BARD1: variants seen among roughly 807,000 people sequenced by gnomAD.
BARD1 encodes BRCA1 associated RING domain 1, also known as BRCA1-associated RING domain protein 1.
BARD1 carries 73 observed loss-of-function variants against 77.0 expected under a neutral mutation model. The ratio of observed to expected loss-of-function variants is 0.95; its 90% CI spans 0.79 to 1.15. BARD1 has a LOEUF of 1.15. Among genes scored for constraint, BARD1 ranks in the 50% most tolerant of loss-of-function variants. The probability of loss-of-function intolerance (pLI) is 0.00; values close to 1 mark genes in which losing one functional copy is unlikely to be tolerated. For synonymous variants in BARD1, 384 were observed against 338.0 expected, an observed-to-expected ratio of 1.14 and a Z score of -1.49; for missense variants, 993 against 938.8, an observed-to-expected ratio of 1.06 and a Z score of -0.75.
intron 3 of BARD1, among the ~76,000 whole-genome samples, chr2:214,782,670 C>T (rs1017175417): frequency 2.0e-5 from 3 of 151,956 alleles, no homozygotes; most frequent in African/African-American, 7.2e-5. Flanking sequence ...CACTCACCTG[C>T]TACTTTAATT....
At chr2:214,770,678 C>A (rs1377371783) in intron 4 of BARD1, among the ~76,000 whole-genome samples, 1 of 152,114 alleles carries the variant, frequency 6.6e-6, no homozygotes, top group Admixed American at 6.5e-5. Context: ...CAACTAAATC[C>A]TACTATAAAT....
chr2:214,742,637 G>A (rs975230110), intron 9 of BARD1, among the ~76,000 whole-genome samples: 1 of 152,100 alleles, frequency 6.6e-6, no homozygotes, highest in Admixed American at 6.5e-5. Context: ...GTTAGTCCGA[G>A]TCCATCAGTG....
chr2:214,765,708 A>C (rs1345330528), intron 6 of BARD1, among the ~76,000 whole-genome samples: 1 of 152,156 alleles, frequency 6.6e-6, no homozygotes, highest in Non-Finnish European at 1.5e-5. Context: ...TTACAAAGAA[A>C]TAGGTCCATG....
chr2:214,767,777 A>C (rs996321552), intron 5 of BARD1, 123 bp from the exon 6 acceptor site: 12 of 871,892 alleles, frequency 1.4e-5, no homozygotes, highest in Non-Finnish European at 2.0e-5. Context: ...TGTTACCTAA[A>C]TACTCAAAAA....
chr2:214,787,554 G>T (rs1695327883), intron 3 of BARD1, among the ~76,000 whole-genome samples: 1 of 151,790 alleles, frequency 6.6e-6, no homozygotes, highest in Admixed American at 6.6e-5. Flanking sequence ...AATTTTTATG[G>T]GTGAATGCTT....
rs778507008 is a variant in BARD1, at chr2:214,745,027, G to A, written c.1903+40C>T. The A allele has an allele frequency of 3.9e-6, 6 of 1,543,770 alleles. No individual in the cohort carries two copies. In the African/African-American group the frequency reaches 8.2e-5, roughly 21 times the overall value. On this transcript the variant is annotated intron_variant, in intron 9 of 10. Coordinates refer to ENST00000260947, the MANE Select transcript of BARD1 (RefSeq NM_000465.4). The stretch of plus-strand genomic sequence containing the variant: ...TTAATAACCATGAAAAACAAAACTA[G>A]TCTAATTCATTTCTTAATTCTCTCA...
At chr2:214,757,013 C>T (rs1285500620) in intron 6 of BARD1, among the ~76,000 whole-genome samples, 1 of 152,082 alleles carries the variant, frequency 6.6e-6, no homozygotes, top group Admixed American at 6.6e-5. Flanking sequence ...AATTAAAAGG[C>T]TGCAGCACCT....
At position 214,745,766 on chromosome 2, in the gene BARD1, G is replaced by A. The variant is rs1574739157; in HGVS notation, c.1766C>T (p.Ala589Val). 8 of 1,613,964 alleles carry A rather than the reference G, an allele frequency of 5.0e-6. No homozygotes were observed. The highest frequency in any genetic ancestry group is 1.3e-5 in the African/African-American group (1 of 75,022). ...SEQQKMLSEL[A>V]VILKAKKYTE... The stretch of plus-strand genomic sequence containing the variant: ...ATATTTTTTAGCCTTAAGAATTACT[G>A]CAAGCTCACTGAGCATTTTCTGTTG... The change falls in exon 8 of 11, where the codon GCA becomes GTA. Residue 589 changes from alanine (A) to valine (V), a missense_variant. Transcript: ENST00000260947.
At chr2:214,745,249 A>G (rs1451101964) in intron 8 of BARD1, 90 bp from the exon 9 acceptor site, 2 of 1,153,176 alleles carry the variant, frequency 1.7e-6, no homozygotes, top group African/African-American at 1.6e-5. Context: ...ATATTTTGTA[A>G]GCTTATATCT....
At chr2:214,795,231 G>A (rs1695706360) in intron 2 of BARD1, among the ~76,000 whole-genome samples, 1 of 152,060 alleles carries the variant, frequency 6.6e-6, no homozygotes, top group Admixed American at 6.6e-5. Context: ...ATATATAACT[G>A]GTAAAAAGTA....
At chr2:214,794,106 A>C (rs1335297838) in intron 2 of BARD1, among the ~76,000 whole-genome samples, 1 of 152,058 alleles carries the variant, frequency 6.6e-6, no homozygotes, top group African/African-American at 2.4e-5. Context: ...TACAAAAATT[A>C]GCCAGGCGTG....
At chr2:214,749,593 C>T (rs1029231760) in intron 7 of BARD1, among the ~76,000 whole-genome samples, 4 of 152,040 alleles carry the variant, frequency 2.6e-5, no homozygotes, top group African/African-American at 4.8e-5. Flanking sequence ...TAATCATTTT[C>T]CAGCTTTTAC....
chr2:214,807,855 T>C (rs1696347653), intron 1 of BARD1, among the ~76,000 whole-genome samples: 1 of 152,220 alleles, frequency 6.6e-6, no homozygotes, highest in Non-Finnish European at 1.5e-5. Flanking sequence ...CAAGGGAATG[T>C]CTAACTTTCG....
intron 1 of BARD1, among the ~76,000 whole-genome samples, chr2:214,804,865 A>ATTTT (rs2106160765): frequency 6.6e-6 from 1 of 152,266 alleles, no homozygotes; most frequent in Non-Finnish European, 1.5e-5. Flanking sequence ...CCATTTTAAA[A>ATTTT]ATCTATTCGC....
Position 214,769,455 on chromosome 2 carries a change from T to G in BARD1, c.1315-143A>C, listed in dbSNP as rs768728633. 144 of 725,284 alleles carry G rather than the reference T, an allele frequency of 2.0e-4. 1 individual carries two copies. The highest frequency in any genetic ancestry group is 2.8e-4 in the Non-Finnish European group (119 of 420,730). The allele number at this position is 725,284 out of a possible 1,614,324, so 44.9% of individuals were successfully genotyped here. On this transcript the variant is annotated intron_variant, in intron 4 of 10. Transcript: ENST00000260947. ...GGCTACTGTTCATGAGTTAATAAAT[T>G]ATTAGGCCGGGTGTGGTGGCTCACG...
At position 214,767,587 on chromosome 2, in the gene BARD1, T is replaced by C. The variant is rs1057518894; in HGVS notation, c.1463A>G (p.Asn488Ser). The change falls in exon 6 of 11, where the codon AAC (asparagine) becomes AGC (serine). Residue 488 changes from asparagine (N) to serine (S), a missense_variant. Physicochemically the swap from Asn to Ser is conservative, Grantham distance 46 (BLOSUM62 1). Coordinates refer to ENST00000260947, the MANE Select transcript of BARD1 (RefSeq NM_000465.4). ...ELLLQHKALV[N>S]TTGYQNDSPL... ...TGAGTCATTTTGATACCCGGTGGTG[T>C]TCACCAATGCCTTATGCTGGAGCAA... 2 of 1,614,084 alleles carry C rather than the reference T, an allele frequency of 1.2e-6. No homozygotes were observed. Among genetic ancestry groups the C allele is most frequent in the Non-Finnish European group, 1.7e-6 (2 of 1,179,958 alleles).
intron 6 of BARD1, among the ~76,000 whole-genome samples, chr2:214,763,812 T>C (rs1694070410): frequency 6.6e-6 from 1 of 151,948 alleles, no homozygotes; most frequent in Non-Finnish European, 1.5e-5. Flanking sequence ...AATAGAAGAG[T>C]AGTAAGAATC....
chr2:214,785,513 T>C (rs1695231650), intron 3 of BARD1, among the ~76,000 whole-genome samples: 1 of 152,040 alleles, frequency 6.6e-6, no homozygotes, highest in Non-Finnish European at 1.5e-5. Context: ...ATCTCTTAAA[T>C]CTTTCCAAAT....
intron 5 of BARD1, among the ~76,000 whole-genome samples, chr2:214,768,036 C>T (rs1054891760): frequency 2.6e-5 from 4 of 152,154 alleles, no homozygotes; most frequent in Non-Finnish European, 5.9e-5. Flanking sequence ...CCAGTACATA[C>T]ACATATCATG....
Sources: allele counts gnomAD v4.1 joint callset (sites outside exome capture counted in the v4.1 genomes callset), GRCh38; gene constraint gnomAD v4.1.1; transcripts MANE v1.5; gene names NCBI Gene and HGNC (gene_info 2026-07-23, HGNC 2026-07-21).